Variants in PRORP observed in about 807,000 individuals in gnomAD.
PRORP encodes mitochondrial ribonuclease P catalytic subunit.
In PRORP, 51 loss-of-function variants were observed where a neutral mutation model predicts 59.4. The observed-to-expected ratio is 0.86, with a 90% CI of 0.69 to 1.08. The LOEUF is 1.08. Among genes scored for constraint, PRORP ranks in the 50% least tolerant of loss-of-function variants. The pLI, the probability that PRORP is intolerant of heterozygous loss-of-function variation, is 0.00. For missense variants in PRORP, 646 were observed against 690.3 expected, an observed-to-expected ratio of 0.94 and a Z score of 0.72; for synonymous variants, 231 against 245.6, an observed-to-expected ratio of 0.94 and a Z score of 0.55.
At chr14:35,217,329 C>A (rs12586550) in intron 5 of PRORP, among the ~76,000 whole-genome samples, 89,735 of 151,608 alleles carry the variant, frequency 0.59, 27,879 homozygotes, top group East Asian at 0.75. Context: ...GGTGAAACCC[C>A]ATCTCTACTG....
rs3058430 is a variant in PRORP, at chr14:35,180,526, C to CTGTGTGTGTGTGTG, written c.1168-132_1168-119dup. 9.6e-4 allele frequency: 519 copies of CTGTGTGTGTGTGTG among 538,042 alleles called. 1 individual carries two copies. The highest frequency in any genetic ancestry group is 5.6e-3 in the Admixed American group (168 of 30,130). 33.3% of individuals were successfully genotyped at this position (538,042 alleles called of 1,614,324 possible). On this transcript the variant is annotated intron_variant, in intron 4 of 7. Transcript: ENST00000534898. ...TTTTCAGATTTCATTTGTAGAGTAT[C>CTGTGTGTGTGTGTG]TGTGTGTGTGTGTGTGTGTGTGTGT...
At chr14:35,153,564 C>A (rs898472311) in intron 4 of PRORP, among the ~76,000 whole-genome samples, 4 of 152,150 alleles carry the variant, frequency 2.6e-5, no homozygotes, top group African/African-American at 9.7e-5. Flanking sequence ...AATATGAGTT[C>A]TATTCATTAA....
chr14:35,135,040 A>G (rs2047339154), intron 4 of PRORP, among the ~76,000 whole-genome samples: 1 of 151,922 alleles, frequency 6.6e-6, no homozygotes, highest in Non-Finnish European at 1.5e-5. Context: ...AGTTTGTTCT[A>G]TTTTTGCTTT....
chr14:35,203,720 C>T (rs1239090242), intron 5 of PRORP, among the ~76,000 whole-genome samples: 4 of 151,808 alleles, frequency 2.6e-5, no homozygotes, highest in East Asian at 1.9e-4. Context: ...AAAAATGAGC[C>T]GGGCAAGGTG....
At chr14:35,149,627 T>C (rs886674159) in intron 4 of PRORP, among the ~76,000 whole-genome samples, 11 of 152,238 alleles carry the variant, frequency 7.2e-5, no homozygotes, top group African/African-American at 1.4e-4. Context: ...CTTTGTGGAA[T>C]TGAAGCATTC....
rs1341431863 is a variant in PRORP at position 35,124,791 on chromosome 14, C to A, written c.986+560C>A. Among the ~76,000 whole-genome samples, 3 of 149,322 alleles carry A rather than the reference C, an allele frequency of 2.0e-5. No individual in the cohort carries two copies. The East Asian group carries it at 5.9e-4, about 29-fold the overall frequency. On this transcript the variant is annotated intron_variant, in intron 2 of 7. Transcript: ENST00000534898. ...AGCATTTGACTAGAACTGTCTCTGG[C>A]CATATTAGTATTTTCAGAAGTTCCT...
intron 4 of PRORP, among the ~76,000 whole-genome samples, chr14:35,156,054 T>C (rs1165692277): frequency 2.0e-5 from 3 of 152,164 alleles, no homozygotes; most frequent in African/African-American, 4.8e-5. Context: ...AGTTAATCCA[T>C]TGTGTGGTAA....
In PRORP at chr14:35,158,419, G is replaced by T; in HGVS notation, c.1168-22251G>T. The stretch of plus-strand genomic sequence containing the variant: ...TAACCCTTTTGCCATTAAGTTCAAT[G>T]ATATAGTATTACTACCTACCTAAGC... On this transcript the variant is annotated intron_variant, in intron 4 of 7. Coordinates refer to ENST00000534898, the MANE Select transcript of PRORP (RefSeq NM_014672.4). 3 of 307,070 alleles carry T rather than the reference G, an allele frequency of 9.8e-6. No homozygotes were observed. In the South Asian group the frequency reaches 1.3e-4, roughly 13 times the overall value. 19.0% of individuals were successfully genotyped at this position (307,070 alleles called of 1,614,324 possible).
chr14:35,175,645 TTG>T, intron 4 of PRORP, among the ~76,000 whole-genome samples: 1 of 152,066 alleles, frequency 6.6e-6, no homozygotes, highest in South Asian at 2.1e-4. Flanking sequence ...TATTAGCCCT[TTG>T]TCAGATGAGT....
rs112877514 is a variant in PRORP, at chr14:35,256,199, G to A, written c.1276-10528G>A. On this transcript the variant is annotated intron_variant, in intron 5 of 7. Coordinates refer to ENST00000534898, the MANE Select transcript of PRORP (RefSeq NM_014672.4). ...CTCGGGAGGCTGAGGCAGGAGAATC[G>A]CTTAAGCCCAGGAGGCGGAGGCTGC... Among the ~76,000 whole-genome samples the A allele has an allele frequency of 6.8e-5, 10 of 147,198 alleles. 1 individual carries two copies. Among genetic ancestry groups the A allele is most frequent in the South Asian group, 2.2e-4 (1 of 4,610 alleles).
chr14:35,269,840 G>C (rs888198826), intron 6 of PRORP, among the ~76,000 whole-genome samples: 5 of 152,114 alleles, frequency 3.3e-5, no homozygotes, highest in African/African-American at 1.2e-4. Flanking sequence ...AAAATAATAA[G>C]TGCTAAGGTT....
upstream of PRORP, chr14:35,121,947 C>T (rs1248551161): frequency 6.2e-7 from 1 of 1,614,192 alleles, no homozygotes. Flanking sequence ...CGAAGAACTT[C>T]TTTCCAGTCC....
At chr14:35,222,625 C>A (rs891628585) in intron 5 of PRORP, 1 of 152,254 alleles carries the variant, frequency 6.6e-6, no homozygotes, top group African/African-American at 2.4e-5. Flanking sequence ...ACTGCCAAAA[C>A]CATAATATAT....
rs564441108 is a variant in PRORP at position 35,139,050 on chromosome 14, C to A, written c.1167+11439C>A. ...AAGTGATCCACCCACCTCAGCCTCC[C>A]GAAGTGCTGGGATTACAGGCATGAG... On this transcript the variant is annotated intron_variant, in intron 4 of 7. Transcript: ENST00000534898. Among the ~76,000 whole-genome samples the A allele has an allele frequency of 2.7e-5, 4 of 145,612 alleles. 2 individuals are homozygous for A. The highest frequency in any genetic ancestry group is 6.1e-5 in the Non-Finnish European group (4 of 65,504).
chr14:35,157,536 C>T (rs1198367376), intron 4 of PRORP, among the ~76,000 whole-genome samples: 1 of 152,146 alleles, frequency 6.6e-6, no homozygotes, highest in African/African-American at 2.4e-5. Flanking sequence ...AACCCAGGCA[C>T]CCGCTGCCAC....
rs926561847 is a variant in PRORP at position 35,255,823 on chromosome 14, A to T, written c.1276-10904A>T. 5.3e-5 allele frequency among the ~76,000 whole-genome samples: 8 copies of T among 152,330 alleles called. No individual in the cohort carries two copies. In the South Asian group the frequency reaches 1.4e-3, roughly 28 times the overall value. On this transcript the variant is annotated intron_variant, in intron 5 of 7. Coordinates refer to ENST00000534898, the MANE Select transcript of PRORP (RefSeq NM_014672.4). The stretch of plus-strand genomic sequence containing the variant: ...CCTTAGACTATAAGGGAGAAAAGAT[A>T]AATAGATAAAGAGCTTATACAGAGT...
At chr14:35,137,078 T>C (rs1299490711) in intron 4 of PRORP, among the ~76,000 whole-genome samples, 1 of 145,764 alleles carries the variant, frequency 6.9e-6, no homozygotes, top group African/African-American at 2.4e-5. Context: ...GTTTCAGTAG[T>C]TTAATGGGGG....
Position 35,123,254 on chromosome 14 carries a change from C to G in PRORP, c.9C>G (p.Phe3Leu). Reference protein sequence around the residue: MTFYLFGIRSFPK... With the variant: MTLYLFGIRSFPK... ...GCTGATCTCACTGCATAATGACTTT[C>G]TATTTGTTTGGTATTCGAAGCTTTC... The change falls in exon 2 of 8, where the codon TTC becomes TTG. Residue 3 changes from phenylalanine (F) to leucine (L), a missense_variant. Coordinates refer to ENST00000534898, the MANE Select transcript of PRORP (RefSeq NM_014672.4). 1 of 1,608,170 alleles carries G rather than the reference C, an allele frequency of 6.2e-7. No individual in the cohort carries two copies. The highest frequency in any genetic ancestry group is 8.5e-7 in the Non-Finnish European group (1 of 1,177,926).
At chr14:35,195,623 G>C (rs1465858862) in intron 5 of PRORP, among the ~76,000 whole-genome samples, 1 of 151,882 alleles carries the variant, frequency 6.6e-6, no homozygotes, top group East Asian at 1.9e-4. Context: ...ATCTTTAATG[G>C]TATAAACTTA....
Sources: gnomAD v4.1 joint callset for allele counts (sites outside exome capture counted in the v4.1 genomes callset) on GRCh38, gnomAD v4.1.1 for gene constraint, MANE v1.5 for transcripts, NCBI Gene and HGNC (gene_info 2026-07-23, HGNC 2026-07-21) for gene names.